SCMH1: variants seen among roughly 807,000 people sequenced by gnomAD.
The protein encoded by SCMH1 is polycomb protein SCMH1.
A neutral mutation model predicts 70.8 loss-of-function variants in SCMH1; 37 were observed. The observed-to-expected ratio is 0.52, with a 90% CI of 0.40 to 0.69. SCMH1 has a LOEUF of 0.69. SCMH1 is among the 30% of genes least tolerant of loss of function. The pLI is 0.00. For synonymous variants in SCMH1, 292 were observed against 307.4 expected, an observed-to-expected ratio of 0.95 and a Z score of 0.52; for missense variants, 607 against 827.3, an observed-to-expected ratio of 0.73 and a Z score of 3.27.
At chr1:41,210,990 CAT>C (rs1656883521) in intron 1 of SCMH1, among the ~76,000 whole-genome samples, 1 of 151,968 alleles carries the variant, frequency 6.6e-6, no homozygotes, top group Non-Finnish European at 1.5e-5. Flanking sequence ...TTGTATTTTT[CAT>C]AGAGACAAGC....
chr1:41,161,017 C>T (rs777567187), intron 3 of SCMH1, 119 bp from the exon 4 acceptor site: 2 of 1,062,916 alleles, frequency 1.9e-6, no homozygotes, highest in Non-Finnish European at 1.4e-6. Flanking sequence ...GTTATCTCAT[C>T]CTAAAAGACA....
intron 13 of SCMH1, among the ~76,000 whole-genome samples, chr1:41,029,992 T>C (rs529006961): frequency 5.9e-5 from 9 of 152,284 alleles, no homozygotes; most frequent in African/African-American, 1.7e-4. Context: ...CATGGGAGGA[T>C]TGCTTGAGCC....
intron 8 of SCMH1, among the ~76,000 whole-genome samples, chr1:41,112,087 C>T (rs1420634162): frequency 2.0e-5 from 3 of 152,024 alleles, no homozygotes; most frequent in Non-Finnish European, 4.4e-5. Flanking sequence ...ACTTTATTTC[C>T]TTAGGAGAAA....
At chr1:41,055,228 C>G (rs986551289) in intron 10 of SCMH1, among the ~76,000 whole-genome samples, 1 of 152,182 alleles carries the variant, frequency 6.6e-6, no homozygotes, top group Non-Finnish European at 1.5e-5. Flanking sequence ...AAGGCAATCT[C>G]AGTTTTCTTA....
Position 41,048,909 on chromosome 1 carries a change from CAAA to C in SCMH1, c.1106-22_1106-20del. ...ATACAAACTATGGGAGACAAAGAATCAAAGAAGCTTCAAGAGTCTCTGGGATAG... is the reference window on the plus strand; with the variant it reads ...ATACAAACTATGGGAGACAAAGAATCGAAGCTTCAAGAGTCTCTGGGATAG... On this transcript the variant is annotated intron_variant, in intron 10 of 14. Transcript: ENST00000337495. The C allele has an allele frequency of 6.3e-7, 1 of 1,597,642 alleles. No individual in the cohort carries two copies. Among genetic ancestry groups the C allele is most frequent in the Admixed American group, 1.7e-5 (1 of 57,620 alleles).
intron 11 of SCMH1, among the ~76,000 whole-genome samples, chr1:41,047,723 A>G (rs1439074792): frequency 1.3e-5 from 2 of 152,050 alleles, no homozygotes; most frequent in Non-Finnish European, 2.9e-5. Context: ...TTCTATAAAA[A>G]TTCCCTGCCT....
At chr1:41,181,851 A>T (rs1648865697) in intron 2 of SCMH1, among the ~76,000 whole-genome samples, 1 of 152,218 alleles carries the variant, frequency 6.6e-6, no homozygotes, top group Non-Finnish European at 1.5e-5. Context: ...ATTACTGGGC[A>T]TATACCCAAA....
intron 9 of SCMH1, 148 bp downstream of exon 9, chr1:41,075,071 C>T: frequency 2.8e-6 from 2 of 723,426 alleles, no homozygotes; most frequent in South Asian, 3.4e-5. Context: ...ATCGTGTTAG[C>T]CAGGATGGTC....
rs150810168 is a variant in SCMH1 at position 41,059,867 on chromosome 1, T to C, written c.1105+10728A>G. On this transcript the variant is annotated intron_variant, in intron 10 of 14. Transcript: ENST00000337495. ...GCTGAAAAGACAAGCCACACCCCTATTGCATGTCCTTCGAGGGAGGTCAAG... is the reference window on the plus strand; with the variant it reads ...GCTGAAAAGACAAGCCACACCCCTACTGCATGTCCTTCGAGGGAGGTCAAG... 5.3e-5 allele frequency among the ~76,000 whole-genome samples: 8 copies of C among 152,228 alleles called. No homozygotes were observed. The East Asian group carries it at 1.5e-3, about 29-fold the overall frequency.
chr1:41,239,497 A>T (rs1311190915), intron 1 of SCMH1, among the ~76,000 whole-genome samples: 1 of 152,156 alleles, frequency 6.6e-6, no homozygotes, highest in Non-Finnish European at 1.5e-5. Context: ...CTCATCTTTT[A>T]TTCTGAGATA....
intron 2 of SCMH1, among the ~76,000 whole-genome samples, chr1:41,165,535 C>A (rs1646356034): frequency 6.6e-6 from 1 of 152,044 alleles, no homozygotes; most frequent in Non-Finnish European, 1.5e-5. Context: ...TTCTTGTAAT[C>A]CTTGCCAACA....
At chr1:41,207,612 G>A (rs1219185010) in intron 1 of SCMH1, among the ~76,000 whole-genome samples, 3 of 152,166 alleles carry the variant, frequency 2.0e-5, no homozygotes, top group African/African-American at 7.2e-5. Context: ...ATACCCCATT[G>A]TCAATATTAG....
chr1:41,085,947 T>C (rs1238696864), intron 8 of SCMH1, among the ~76,000 whole-genome samples: 2 of 151,102 alleles, frequency 1.3e-5, no homozygotes, highest in African/African-American at 4.9e-5. Context: ...TTCAAGCGAT[T>C]CTCCTGCCTC....
intron 7 of SCMH1, among the ~76,000 whole-genome samples, chr1:41,114,446 T>C (rs1015408623): frequency 2.6e-5 from 4 of 152,190 alleles, no homozygotes; most frequent in South Asian, 2.1e-4. Flanking sequence ...TCCCCCTACT[T>C]TGTCATTCTT....
exon 11 of SCMH1, chr1:41,048,719 T>C (rs1647137432): frequency 3.1e-6 from 5 of 1,614,148 alleles, no homozygotes; most frequent in Non-Finnish European, 4.2e-6. Flanking sequence ...ATGGCCTTGC[T>C]TGAGGAAGCT....
intron 6 of SCMH1, among the ~76,000 whole-genome samples, chr1:41,126,094 TTCC>T (rs1324634170): frequency 6.6e-6 from 1 of 152,216 alleles, no homozygotes; most frequent in African/African-American, 2.4e-5. Context: ...TACAGGGTTC[TTCC>T]TCATCTTTTT....
chr1:41,107,732 A>C (rs891278906), intron 8 of SCMH1, among the ~76,000 whole-genome samples: 4 of 152,008 alleles, frequency 2.6e-5, no homozygotes, highest in African/African-American at 4.8e-5. Context: ...GTTGGCCAGG[A>C]TGGTCTCGAT....
intron 5 of SCMH1, 62 bp from the exon 6 acceptor site, chr1:41,143,174 T>G: frequency 7.5e-7 from 1 of 1,335,452 alleles, no homozygotes; most frequent in South Asian, 1.3e-5. Context: ...ATTCATGTTT[T>G]GGATTCAGAT....
intron 8 of SCMH1, among the ~76,000 whole-genome samples, chr1:41,110,746 T>G (rs1310712285): frequency 1.3e-5 from 2 of 152,248 alleles, no homozygotes; most frequent in Non-Finnish European, 2.9e-5. Flanking sequence ...AATGCTGCCA[T>G]GAATGTTCAT....
Sources: gnomAD v4.1 joint callset for allele counts (sites outside exome capture counted in the v4.1 genomes callset) on GRCh38, gnomAD v4.1.1 for gene constraint, MANE v1.5 for transcripts, NCBI Gene and HGNC (gene_info 2026-07-23, HGNC 2026-07-21) for gene names.